EML6: variants seen among roughly 807,000 people sequenced by gnomAD.
EML6 encodes EMAP like 6.
EML6 carries 154 observed loss-of-function variants against 240.1 expected under a neutral mutation model. That is an observed-to-expected ratio of 0.64 (90% CI 0.56 to 0.73). EML6 has a LOEUF of 0.73. Among genes scored for constraint, EML6 ranks in the 30% least tolerant of loss-of-function variants. The pLI is 0.00. For synonymous variants in EML6, 1,148 were observed against 899.0 expected (o/e 1.28, Z -4.95); for missense variants, 2,964 against 2,474.6 (o/e 1.20, Z -4.20).
chr2:54,925,834 C>T (rs539672121), intron 26 of EML6, among the ~76,000 whole-genome samples: 23 of 152,280 alleles, frequency 1.5e-4, no homozygotes, highest in Admixed American at 5.2e-4. Context: ...CCTTCCCTTC[C>T]GAACCTAGAC....
intron 26 of EML6, among the ~76,000 whole-genome samples, chr2:54,919,565 CACTT>C (rs892183090): frequency 1.6e-4 from 25 of 152,202 alleles, no homozygotes; most frequent in African/African-American, 5.3e-4. Flanking sequence ...AATGATCTGT[CACTT>C]ACCAGCCCTT....
intron 3 of EML6, among the ~76,000 whole-genome samples, chr2:54,815,815 CCA>C (rs1256979288): frequency 2.6e-5 from 4 of 152,222 alleles, no homozygotes; most frequent in African/African-American, 9.6e-5. Context: ...TCTGTTTCAT[CCA>C]CACTGTGAGT....
At chr2:54,808,046 T>C (rs1213052974) in intron 2 of EML6, among the ~76,000 whole-genome samples, 3 of 152,256 alleles carry the variant, frequency 2.0e-5, no homozygotes, top group Admixed American at 6.5e-5. Flanking sequence ...CCCCCCCTGC[T>C]TAACTATGGA....
chr2:54,961,188 T>TTTTTTTTTTTTGTTTTTTTTTG (rs1558729603), intron 35 of EML6, among the ~76,000 whole-genome samples: 1 of 106,692 alleles, frequency 9.4e-6, no homozygotes, highest in African/African-American at 3.8e-5. Context: ...GAAGTAGTTT[T>TTTTTTTTTTTTGTTTTTTTTTG]TTTTTTTTTT....
intron 35 of EML6, among the ~76,000 whole-genome samples, chr2:54,961,918 C>T (rs1465346317): frequency 1.3e-5 from 2 of 151,492 alleles, no homozygotes; most frequent in Non-Finnish European, 2.9e-5. Context: ...GCAGGAGAAT[C>T]GCTTGAACCC....
At chr2:54,784,187 C>T (rs1668977022) in intron 2 of EML6, among the ~76,000 whole-genome samples, 1 of 152,096 alleles carries the variant, frequency 6.6e-6, no homozygotes, top group Non-Finnish European at 1.5e-5. Context: ...CTCAAATGGT[C>T]CTCCTACCTC....
chr2:54,933,427 C>A (rs1027070005), intron 28 of EML6, among the ~76,000 whole-genome samples: 9 of 152,072 alleles, frequency 5.9e-5, no homozygotes, highest in African/African-American at 1.7e-4. Context: ...CTTAAAATGG[C>A]CCCATTTAAA....
chr2:54,885,994 A>G (rs1005952654), intron 17 of EML6, among the ~76,000 whole-genome samples: 2 of 152,286 alleles, frequency 1.3e-5, no homozygotes, highest in African/African-American at 2.4e-5. Flanking sequence ...TCATGTAGCC[A>G]TAATGGATCA....
intron 2 of EML6, among the ~76,000 whole-genome samples, chr2:54,753,665 T>G (rs1307577814): frequency 6.3e-5 from 4 of 63,346 alleles, no homozygotes; most frequent in East Asian, 8.3e-4. Flanking sequence ...GTCCTGAGTT[T>G]TTTTTTTTTT....
intron 12 of EML6, among the ~76,000 whole-genome samples, chr2:54,862,358 A>AAC (rs1171245042): frequency 6.6e-6 from 1 of 150,970 alleles, no homozygotes; most frequent in Non-Finnish European, 1.5e-5. Flanking sequence ...AAAAAAAAAA[A>AAC]AAAAAAACTT....
At chr2:54,790,208 G>A (rs185009484) in intron 2 of EML6, among the ~76,000 whole-genome samples, 2 of 152,256 alleles carry the variant, frequency 1.3e-5, no homozygotes, top group South Asian at 4.2e-4. Flanking sequence ...TGAGCCAATT[G>A]AAAAGCAAAT....
chr2:54,832,425 C>A (rs536885646), intron 7 of EML6, among the ~76,000 whole-genome samples: 19 of 152,314 alleles, frequency 1.2e-4, no homozygotes, highest in African/African-American at 3.1e-4. Flanking sequence ...CTCCTGTGGT[C>A]TTGGAGGCTG....
intron 2 of EML6, among the ~76,000 whole-genome samples, chr2:54,797,167 A>AAAAAAAAAAAAAAAAAAC (rs1669839010): frequency 2.6e-5 from 3 of 114,020 alleles, no homozygotes; most frequent in African/African-American, 9.6e-5. Context: ...TCCATCTCAA[A>AAAAAAAAAAAAAAAAAAC]AAAAAAAAAA....
intron 24 of EML6, among the ~76,000 whole-genome samples, chr2:54,904,191 G>C (rs571280638): frequency 1.3e-5 from 2 of 152,242 alleles, no homozygotes; most frequent in East Asian, 1.9e-4. Flanking sequence ...GCACAAAATG[G>C]GTACCGTGTG....
chr2:54,873,059 G>A (rs75788231), intron 16 of EML6, among the ~76,000 whole-genome samples: 3,542 of 152,292 alleles, frequency 0.023, 134 homozygotes, highest in African/African-American at 0.078. Context: ...TAAAAAAAGT[G>A]AATGACTAAA....
At position 54,961,187 on chromosome 2, in the gene EML6, T is replaced by TTTTTTTGTTTGTTTGTTTG. The variant is rs1553426302; in HGVS notation, c.4968+859_4968+860insGTTTGTTTGTTTGTTTTTT. ...GCCTGGAAGTTATCAGGAAGTAGTT[T>TTTTTTTGTTTGTTTGTTTG]TTTTTTTTTTTTTTTTGAGACGGAG... is the stretch of plus-strand genomic sequence containing the variant. On this transcript the variant is annotated intron_variant, in intron 35 of 41. Transcript: ENST00000356458. Among the ~76,000 whole-genome samples, 26 of 5,326 alleles carry TTTTTTTGTTTGTTTGTTTG rather than the reference T, an allele frequency of 4.9e-3. 4 individuals are homozygous for TTTTTTTGTTTGTTTGTTTG. Among genetic ancestry groups the TTTTTTTGTTTGTTTGTTTG allele is most frequent in the African/African-American group, 0.021 (23 of 1,076 alleles). The allele number at this position is 5,326 out of a possible 152,430, so 3.5% of individuals were successfully genotyped here.
At chr2:54,872,778 CT>C (rs1183279454) in intron 16 of EML6, among the ~76,000 whole-genome samples, 2 of 152,324 alleles carry the variant, frequency 1.3e-5, no homozygotes, top group Non-Finnish European at 2.9e-5. Flanking sequence ...TCTCATGTGT[CT>C]TTTCAAGTCC....
chr2:54,840,857 T>C (rs1669408171), intron 7 of EML6, among the ~76,000 whole-genome samples: 1 of 152,226 alleles, frequency 6.6e-6, no homozygotes, highest in South Asian at 2.1e-4. Context: ...TTATTTGTTT[T>C]TTGCTGATGT....
intron 9 of EML6, among the ~76,000 whole-genome samples, 194 bp from the exon 10 acceptor site, chr2:54,849,768 G>T (rs77739453): frequency 6.6e-6 from 1 of 152,188 alleles, no homozygotes; most frequent in Non-Finnish European, 1.5e-5. Context: ...GATTACAGGC[G>T]TAAGCCACCG....
Sources: allele counts gnomAD v4.1 joint callset (sites outside exome capture counted in the v4.1 genomes callset), GRCh38; gene constraint gnomAD v4.1.1; transcripts MANE v1.5; gene names NCBI Gene and HGNC (gene_info 2026-07-23, HGNC 2026-07-21).